The following IL23R variants were observed in gnomAD, a reference collection of about 807,000 sequenced individuals.
IL23R encodes the protein interleukin-23 receptor.
In IL23R, 34 loss-of-function variants were observed where a neutral mutation model predicts 56.9. The ratio of observed to expected loss-of-function variants is 0.60; its 90% CI spans 0.45 to 0.80. The LOEUF (loss-of-function observed/expected upper bound fraction) is 0.80. Ranked by LOEUF, IL23R falls within the 30% of genes least tolerant of loss-of-function variation. IL23R has a pLI of 0.00. For synonymous variants in IL23R, 230 were observed against 249.2 expected (o/e 0.92, Z 0.73); for missense variants, 635 against 730.0 (o/e 0.87, Z 1.50).
intron 3 of IL23R, among the ~76,000 whole-genome samples, chr1:67,181,935 T>G (rs1647150115): frequency 6.6e-6 from 1 of 152,208 alleles, no homozygotes; most frequent in South Asian, 2.1e-4. Flanking sequence ...CAGTGGAGGC[T>G]GCAGAACAGC....
chr1:67,229,321 C>A lies in IL23R; in HGVS notation c.956-7392C>A, dbSNP rs370221280. 9.2e-5 allele frequency among the ~76,000 whole-genome samples: 14 copies of A among 152,248 alleles called. No homozygotes were observed. In the East Asian group the frequency reaches 1.9e-3, roughly 21 times the overall value. On this transcript the variant is annotated intron_variant, in intron 7 of 10. Transcript: ENST00000347310. ...ATGATAAACAGCATTACAAAGGATA[C>A]AGTCGAACAGCCAGATGGAAGAGAT...
At chr1:67,150,652 T>TAAAA (rs3052338) in intron 1 of IL23R, among the ~76,000 whole-genome samples, 36 of 95,884 alleles carry the variant, frequency 3.8e-4, no homozygotes, top group African/African-American at 5.7e-4. Flanking sequence ...GAACTTAAAG[T>TAAAA]AAAAAAAAAA....
At chr1:67,206,171 C>T (rs1422678732) in intron 5 of IL23R, among the ~76,000 whole-genome samples, 2 of 151,856 alleles carry the variant, frequency 1.3e-5, no homozygotes, top group East Asian at 3.9e-4. Context: ...CACCACCACG[C>T]CGGGCTAATT....
chr1:67,147,504 G>A (rs928393418), intron 1 of IL23R, among the ~76,000 whole-genome samples: 3 of 152,082 alleles, frequency 2.0e-5, no homozygotes, highest in Admixed American at 2.0e-4. Context: ...TTCGAGACCA[G>A]CCTGGCCAAC....
chr1:67,200,743 G>A lies in IL23R; in HGVS notation c.498G>A (p.Glu166=). The A allele has an allele frequency of 6.2e-7, 1 of 1,613,078 alleles. No homozygotes were observed. Among genetic ancestry groups the A allele is most frequent in the Non-Finnish European group, 8.5e-7 (1 of 1,179,404 alleles). The change falls in exon 5 of 11, where the codon GAG becomes GAA. Residue 166 remains glutamate (E), a synonymous_variant. Coordinates refer to ENST00000347310, the MANE Select transcript of IL23R (RefSeq NM_144701.3). ...CTTTTTTTTTTGTTTTAAGTTTAGA[G>A]ACAGAAGAAGAGCAACAGTATCTCA... The part of the protein sequence containing the change: ...TKYVVHVKSL[E]TEEEQQYLTS...
chr1:67,213,609 A>T (rs948976193), intron 6 of IL23R, among the ~76,000 whole-genome samples: 1 of 152,160 alleles, frequency 6.6e-6, no homozygotes, highest in Non-Finnish European at 1.5e-5. Context: ...AGTGATTTAT[A>T]TTACAATTGC....
chr1:67,231,628 A>G, intron 7 of IL23R, among the ~76,000 whole-genome samples: 1 of 152,228 alleles, frequency 6.6e-6, no homozygotes, highest in East Asian at 1.9e-4. Context: ...CAATAGGGGT[A>G]AGATTGAATA....
intron 7 of IL23R, among the ~76,000 whole-genome samples, chr1:67,227,750 A>G (rs1650713207): frequency 1.3e-5 from 2 of 152,216 alleles, no homozygotes; most frequent in African/African-American, 4.8e-5. Context: ...TGTAGACTCT[A>G]TTGGTTACTA....
chr1:67,150,248 CTTTTTTTT>C (rs552806817), intron 1 of IL23R, among the ~76,000 whole-genome samples: 11 of 110,264 alleles, frequency 1.0e-4, no homozygotes, highest in Admixed American at 2.0e-4. Flanking sequence ...GCATTTCGAA[CTTTTTTTT>C]TTTTTTTTTT....
chr1:67,264,200 A>G (rs1420675602), downstream of IL23R, among the ~76,000 whole-genome samples: 2 of 152,268 alleles, frequency 1.3e-5, no homozygotes, highest in Non-Finnish European at 2.9e-5. Context: ...GCTTTCTCTC[A>G]GAGGCTGCTA....
chr1:67,166,935 A>G (rs757014152), intron 1 of IL23R, among the ~76,000 whole-genome samples: 1 of 152,246 alleles, frequency 6.6e-6, no homozygotes, highest in African/African-American at 2.4e-5. Context: ...CTCAGGTTTT[A>G]TTAAACAGAT....
chr1:67,178,227 A>G (rs1647038420), intron 3 of IL23R, among the ~76,000 whole-genome samples: 1 of 151,920 alleles, frequency 6.6e-6, no homozygotes, highest in South Asian at 2.1e-4. Context: ...CATTTTCACG[A>G]TATTGATTCT....
At chr1:67,210,507 G>A (rs1026347245) in intron 6 of IL23R, among the ~76,000 whole-genome samples, 1 of 151,434 alleles carries the variant, frequency 6.6e-6, no homozygotes, top group Non-Finnish European at 1.5e-5. Context: ...TCATCACCCA[G>A]GCTGAAGTTC....
At chr1:67,247,680 G>C (rs983108729) in intron 9 of IL23R, among the ~76,000 whole-genome samples, 1 of 152,086 alleles carries the variant, frequency 6.6e-6, no homozygotes, top group African/African-American at 2.4e-5. Context: ...TGGTTATTTT[G>C]CCCATTAGTT....
At chr1:67,196,414 C>T (rs1050149703) in intron 4 of IL23R, among the ~76,000 whole-genome samples, 4 of 152,096 alleles carry the variant, frequency 2.6e-5, no homozygotes, top group Non-Finnish European at 4.4e-5. Flanking sequence ...GTGGCACATG[C>T]CTGCGATCCC....
intron 7 of IL23R, among the ~76,000 whole-genome samples, chr1:67,235,540 C>T (rs1258981880): frequency 7.9e-5 from 12 of 151,968 alleles, no homozygotes; most frequent in Admixed American, 5.2e-4. Flanking sequence ...ATTACAGGCA[C>T]GCACCACCAT....
chr1:67,209,604 C>G (rs775430145), intron 6 of IL23R, among the ~76,000 whole-genome samples: 1 of 152,162 alleles, frequency 6.6e-6, no homozygotes, highest in Non-Finnish European at 1.5e-5. Context: ...TGAGGCCTCT[C>G]CAGCCATATG....
intron 4 of IL23R, among the ~76,000 whole-genome samples, chr1:67,188,180 G>A (rs971360580): frequency 6.6e-6 from 1 of 152,172 alleles, no homozygotes; most frequent in Non-Finnish European, 1.5e-5. Context: ...AATACCCCAG[G>A]GATCTAGGCT....
intron 9 of IL23R, among the ~76,000 whole-genome samples, chr1:67,253,192 T>C (rs924300460): frequency 5.3e-5 from 8 of 152,226 alleles, no homozygotes; most frequent in African/African-American, 1.9e-4. Context: ...CCAATTGTTT[T>C]AGTGTTTTAG....
Sources: gnomAD v4.1 joint callset for allele counts (sites outside exome capture counted in the v4.1 genomes callset) on GRCh38, gnomAD v4.1.1 for gene constraint, MANE v1.5 for transcripts, NCBI Gene and HGNC (gene_info 2026-07-23, HGNC 2026-07-21) for gene names.